The following NELL1 variants were observed in gnomAD, a reference collection of about 807,000 sequenced individuals.
The protein encoded by NELL1 is protein kinase C-binding protein NELL1.
A neutral mutation model predicts 107.4 loss-of-function variants in NELL1; 76 were observed. That is an observed-to-expected ratio of 0.71 (90% CI 0.59 to 0.86). The LOEUF is 0.86. Ranked by LOEUF, NELL1 falls within the 40% of genes least tolerant of loss-of-function variation. NELL1 has a pLI of 0.00. For missense variants in NELL1, 1,024 were observed against 1,005.5 expected, an observed-to-expected ratio of 1.02 and a Z score of -0.25; for synonymous variants, 353 against 341.2, an observed-to-expected ratio of 1.03 and a Z score of -0.38.
At chr11:20,808,977 G>C (rs1564917658) in intron 3 of NELL1, among the ~76,000 whole-genome samples, 1 of 152,264 alleles carries the variant, frequency 6.6e-6, no homozygotes, top group East Asian at 1.9e-4. Flanking sequence ...CCTGATTTTG[G>C]GTTTTTATAA....
At chr11:21,389,460 G>A (rs896677827) in intron 15 of NELL1, among the ~76,000 whole-genome samples, 1 of 151,736 alleles carries the variant, frequency 6.6e-6, no homozygotes, top group African/African-American at 2.4e-5. Flanking sequence ...GTCACATTCT[G>A]CTCTCCCTTC....
At chr11:21,105,159 G>A (rs572435191) in intron 12 of NELL1, among the ~76,000 whole-genome samples, 2 of 152,138 alleles carry the variant, frequency 1.3e-5, no homozygotes, top group Admixed American at 6.5e-5. Flanking sequence ...CCCAAGGTTT[G>A]TTGCCTCATG....
intron 2 of NELL1, among the ~76,000 whole-genome samples, chr11:20,772,219 A>G (rs998004367): frequency 6.6e-6 from 1 of 152,344 alleles, no homozygotes; most frequent in Admixed American, 6.5e-5. Context: ...CTTAATATAC[A>G]GAGTAGTTTA....
chr11:21,169,726 A>G lies in NELL1; in HGVS notation c.1426+56012A>G, dbSNP rs562363290. ...TTCCTTGGTCATCTTTTGGCACAGAAGTAGTCATGTGACCAGTCTGACTCC... is the reference window on the plus strand; with the variant it reads ...TTCCTTGGTCATCTTTTGGCACAGAGGTAGTCATGTGACCAGTCTGACTCC... On this transcript the variant is annotated intron_variant, in intron 13 of 19. Coordinates refer to ENST00000357134, the MANE Select transcript of NELL1 (RefSeq NM_006157.5). 8 of 789,094 alleles carry G rather than the reference A, an allele frequency of 1.0e-5. No individual in the cohort carries two copies. In the South Asian group the frequency reaches 1.5e-4, roughly 15 times the overall value. 48.9% of individuals were successfully genotyped at this position (789,094 alleles called of 1,614,324 possible).
chr11:21,490,036 T>C (rs1854759683), intron 15 of NELL1, among the ~76,000 whole-genome samples: 1 of 151,950 alleles, frequency 6.6e-6, no homozygotes, highest in South Asian at 2.1e-4. Flanking sequence ...ATCTAACATC[T>C]AGAAAAACCT....
intron 13 of NELL1, among the ~76,000 whole-genome samples, chr11:21,191,677 T>C (rs1857052738): frequency 6.6e-6 from 1 of 151,966 alleles, no homozygotes; most frequent in African/African-American, 2.4e-5. Flanking sequence ...TGTTTTAAGA[T>C]ATCCATTTTT....
At chr11:21,529,834 TAACA>T (rs1008094948) in intron 15 of NELL1, among the ~76,000 whole-genome samples, 44 of 152,286 alleles carry the variant, frequency 2.9e-4, no homozygotes, top group African/African-American at 9.9e-4. Context: ...TTTTTTTGTT[TAACA>T]GTCACATGAT....
chr11:20,831,550 A>T (rs890750792), intron 3 of NELL1, among the ~76,000 whole-genome samples: 1 of 152,188 alleles, frequency 6.6e-6, no homozygotes, highest in Non-Finnish European at 1.5e-5. Flanking sequence ...GGATAAGTTG[A>T]TTAATTTTGA....
At chr11:20,694,579 G>A (rs752966835) in intron 2 of NELL1, among the ~76,000 whole-genome samples, 49 of 151,980 alleles carry the variant, frequency 3.2e-4, no homozygotes, top group African/African-American at 6.3e-4. Context: ...GGTTGTAGGC[G>A]TGTGGTTTTA....
chr11:21,163,067 A>C (rs1454000), intron 13 of NELL1, among the ~76,000 whole-genome samples: 123,015 of 152,110 alleles, frequency 0.81, 49,901 homozygotes, highest in African/African-American at 0.87. Context: ...AATGACACCG[A>C]TGCCTGAGTT....
At position 21,480,353 on chromosome 11, in the gene NELL1, A is replaced by C. The variant is rs28493701; in HGVS notation, c.1646-54021A>C. ...CTCTGTTCTTATTCAGGTAGAAATG[A>C]AAATCAGCCAAGTGAGAAGTTACAG... On this transcript the variant is annotated intron_variant, in intron 15 of 19. Transcript: ENST00000357134. Among the ~76,000 whole-genome samples, 525 of 152,282 alleles carry C rather than the reference A, an allele frequency of 3.4e-3. 4 individuals are homozygous for C. The highest frequency in any genetic ancestry group is 0.012 in the African/African-American group (489 of 41,562).
intron 12 of NELL1, among the ~76,000 whole-genome samples, chr11:21,091,275 A>G (rs1854513651): frequency 1.3e-5 from 2 of 152,214 alleles, no homozygotes; most frequent in Non-Finnish European, 1.5e-5. Context: ...TTTTTTGAGC[A>G]TTATAAAGAA....
At chr11:20,755,563 T>TTTA (rs1856256173) in intron 2 of NELL1, among the ~76,000 whole-genome samples, 1 of 19,114 alleles carries the variant, frequency 5.2e-5, no homozygotes. Context: ...TTTGTTTTTG[T>TTTA]TTTTTTTTTT....
At chr11:20,761,573 C>T (rs1384325092) in intron 2 of NELL1, among the ~76,000 whole-genome samples, 4 of 152,208 alleles carry the variant, frequency 2.6e-5, no homozygotes, top group African/African-American at 9.7e-5. Flanking sequence ...TAAAGCTCCA[C>T]AAACAAACCC....
intron 15 of NELL1, among the ~76,000 whole-genome samples, chr11:21,453,924 T>A (rs1270227752): frequency 1.5e-5 from 2 of 129,126 alleles, no homozygotes; most frequent in Non-Finnish European, 3.5e-5. Context: ...GTTCTTTTTT[T>A]TTTATTATTA....
At chr11:21,209,602 T>C (rs910905787) in intron 13 of NELL1, among the ~76,000 whole-genome samples, 3 of 152,036 alleles carry the variant, frequency 2.0e-5, no homozygotes, top group Non-Finnish European at 4.4e-5. Context: ...TTTGTTAAGA[T>C]ATAATTTACA....
intron 15 of NELL1, among the ~76,000 whole-genome samples, chr11:21,453,036 T>C (rs984916927): frequency 5.9e-5 from 9 of 152,076 alleles, no homozygotes; most frequent in African/African-American, 2.2e-4. Flanking sequence ...CTCTGTATGA[T>C]TTAAATCATT....
At chr11:20,960,359 G>A (rs1470573342) in intron 11 of NELL1, 73 bp from the exon 12 acceptor site, 1 of 1,465,464 alleles carries the variant, frequency 6.8e-7, no homozygotes. Context: ...AATAAAAAAT[G>A]TTACATACTT....
Position 20,716,872 on chromosome 11 carries a change from C to T in NELL1, c.184+38812C>T, listed in dbSNP as rs1054789440. Among the ~76,000 whole-genome samples, 11 of 152,310 alleles carry T rather than the reference C, an allele frequency of 7.2e-5. No individual in the cohort carries two copies. The South Asian group carries it at 1.9e-3, about 26-fold the overall frequency. On this transcript the variant is annotated intron_variant, in intron 2 of 19. Transcript: ENST00000357134. ...GTAGCAAACACTCAGTGAGTGTTAA[C>T]TGTTGCCTTATGCGGTTTACAAAAT...
Sources: allele counts gnomAD v4.1 joint callset (sites outside exome capture counted in the v4.1 genomes callset), GRCh38; gene constraint gnomAD v4.1.1; transcripts MANE v1.5; gene names NCBI Gene and HGNC (gene_info 2026-07-23, HGNC 2026-07-21).